PEX6: variants seen among roughly 807,000 people sequenced by gnomAD.
PEX6 encodes peroxisome biogenesis factor 6.
A neutral mutation model predicts 85.6 loss-of-function variants in PEX6; 55 were observed. That is an observed-to-expected ratio of 0.64 (90% CI 0.52 to 0.80). PEX6 has a LOEUF of 0.80. Ranked by LOEUF, PEX6 falls within the 30% of genes least tolerant of loss-of-function variation. PEX6 has a pLI of 0.00. For missense variants in PEX6, 1,099 were observed against 1,260.3 expected (o/e 0.87, Z 1.94); for synonymous variants, 519 against 549.1 (o/e 0.95, Z 0.77).
rs769688980 is a variant in PEX6, at chr6:42,968,258, C to A, written c.1688+32G>T. The A allele has an allele frequency of 3.8e-6, 6 of 1,597,366 alleles. No individual in the cohort carries two copies. The African/African-American group carries it at 5.4e-5, about 14-fold the overall frequency. The stretch of plus-strand genomic sequence containing the variant: ...AGCCACCGCGCCCAGCCGGCCCCCC[C>A]AGCTTTGAGAGGCCCAGCTCTGTAT... On this transcript the variant is annotated intron_variant, in intron 7 of 16. Transcript: ENST00000304611.
In PEX6 at chr6:42,964,363, C is replaced by A. The variant is rs751058292; in HGVS notation, c.2915G>T (p.Arg972Leu). ...GCAGGCAGCAAACTTGCGCTGGATG[C>A]GCTTGTACCGGAGCAGCTCCTGCTC... ...VSEQELLRYKRIQRKFAAC is the reference protein window; with the variant it reads ...VSEQELLRYKLIQRKFAAC The change falls in exon 17 of 17, where the codon CGC becomes CTC. Residue 972 changes from arginine to leucine, a missense_variant. Around this residue, in one of 3 missense-constraint regions of PEX6, gnomAD observed 514 missense variants for 627.0 expected, o/e 0.82. Transcript: ENST00000304611. The surrounding 1 kb of genome is among the most constrained non-coding windows in gnomAD (Gnocchi z 4.6). 1 of 1,613,806 alleles carries A rather than the reference C, an allele frequency of 6.2e-7. No homozygotes were observed. The highest frequency in any genetic ancestry group is 8.5e-7 in the Non-Finnish European group (1 of 1,180,024).
At position 42,974,016 on chromosome 6, in the gene PEX6, C is replaced by T. The variant is rs1298893013; in HGVS notation, c.1117G>A (p.Glu373Lys). The T allele has an allele frequency of 6.2e-7, 1 of 1,613,836 alleles. No homozygotes were observed. The highest frequency in any genetic ancestry group is 1.3e-5 in the African/African-American group (1 of 75,046). ...GCAGCTGCATACCTGGGCAGTTTCT[C>T]TGGACTTCCTTCCAGGATCTCTACT... Reference protein sequence around the residue: ...GQVEILEGSPEKLPRWREMFF... With the variant: ...GQVEILEGSPKKLPRWREMFF... Residue 373 changes from glutamate (E) to lysine (K), a missense_variant, in exon 3 of 17, where the codon GAG (glutamate) becomes AAG (lysine). Physicochemically the swap from Glu to Lys is moderately conservative, Grantham distance 56. Around this residue, in one of 3 missense-constraint regions of PEX6, gnomAD observed 579 missense variants for 611.6 expected, o/e 0.95. Coordinates refer to ENST00000304611, the MANE Select transcript of PEX6 (RefSeq NM_000287.4).
In PEX6 at chr6:42,964,825, G is replaced by C; in HGVS notation, c.2771C>G (p.Ala924Gly). 1 of 1,614,154 alleles carries C rather than the reference G, an allele frequency of 6.2e-7. No individual in the cohort carries two copies. The highest frequency in any genetic ancestry group is 1.1e-5 in the South Asian group (1 of 91,082). Residue 924 changes from alanine (A) to glycine (G), a missense_variant, in exon 16 of 17, where the codon GCT (alanine) becomes GGT (glycine). Ala to Gly is a moderately conservative substitution (Grantham distance 60). Around this residue, in one of 3 missense-constraint regions of PEX6, gnomAD observed 514 missense variants for 627.0 expected, o/e 0.82. Coordinates refer to ENST00000304611, the MANE Select transcript of PEX6 (RefSeq NM_000287.4). The surrounding 1 kb of genome is among the most constrained non-coding windows in gnomAD (Gnocchi z 4.6). ...GTCATGAACCCTGCGTTTGAGGGCA[G>C]CTGTCATAGCATCAGAGCAGAGAGA... is the stretch of plus-strand genomic sequence containing the variant. ...LYSLCSDAMT[A>G]ALKRRVHDLE...
At position 42,978,888 on chromosome 6, in the gene PEX6, G is replaced by A; in HGVS notation, c.263C>T (p.Ser88Phe). Residue 88 changes from serine (S) to phenylalanine (F), a missense_variant, in exon 1 of 17, where the codon TCC becomes TTC. By Grantham distance (155) the Ser-to-Phe change is radical (BLOSUM62 -2). This residue lies in a region of PEX6 where 579 missense variants were observed against 611.6 expected (regional missense o/e 0.95). Transcript: ENST00000304611. The stretch of plus-strand genomic sequence containing the variant: ...CGCCCGCGCCCGCACCCAGGCCCCG[G>A]AGCCCAGTGCCAGGAGCCGCAGCAG... The part of the protein sequence containing the change: ...RALLRLLALG[S>F]GAWVRARAVR... 6.7e-7 allele frequency: 1 copy of A among 1,491,490 alleles called. No homozygotes were observed. Among genetic ancestry groups the A allele is most frequent in the Non-Finnish European group, 8.9e-7 (1 of 1,129,356 alleles). The allele number at this position is 1,491,490 out of a possible 1,614,324, so 92.4% of individuals were successfully genotyped here.
rs368481812 is a variant in PEX6 at position 42,978,408 on chromosome 6, C to A, written c.743G>T (p.Arg248Leu). 4.3e-6 allele frequency: 7 copies of A among 1,614,176 alleles called. No individual in the cohort carries two copies. In the Admixed American group the frequency reaches 8.3e-5, roughly 19 times the overall value. The change falls in exon 1 of 17, where the codon CGC becomes CTC. Residue 248 changes from arginine (R) to leucine (L), a missense_variant. Around this residue, in one of 3 missense-constraint regions of PEX6, gnomAD observed 579 missense variants for 611.6 expected, o/e 0.95. Transcript: ENST00000304611. The stretch of plus-strand genomic sequence containing the variant: ...TCCCAGTCTATCAGAGAGGTCCCAG[C>A]GAGGTTCTAGGACCTGCACCCTAGC... ...HLARVQVLEP[R>L]WDLSDRLGPG...
At position 42,968,290 on chromosome 6, in the gene PEX6, C is replaced by T. The variant is rs768025730; in HGVS notation, c.1688G>A (p.Ser563Asn). 3 of 1,613,584 alleles carry T rather than the reference C, an allele frequency of 1.9e-6. No individual in the cohort carries two copies. Among genetic ancestry groups the T allele is most frequent in the East Asian group, 2.2e-5 (1 of 44,872 alleles). Reference sequence around the variant, plus strand: ...GAGAGGCCCAGCTCTGTATAAGTACCTGTTGAGGGGGTCCTCATTGAGGAG... The same window carrying T: ...GAGAGGCCCAGCTCTGTATAAGTACTTGTTGAGGGGGTCCTCATTGAGGAG... ...HLLLNEDPLN[S>N]CPPLMVVATT... Residue 563 changes from serine (S) to asparagine (N), a missense_variant and splice_region_variant, in exon 7 of 17, where the codon AGC becomes AAC. Coordinates refer to ENST00000304611, the MANE Select transcript of PEX6 (RefSeq NM_000287.4).
At position 42,966,229 on chromosome 6, in the gene PEX6, G is replaced by A; in HGVS notation, c.2300+13C>T. ...CTGATCCACCCACCATCCCTTCCAG[G>A]CCCCCTGGCCACCTGAGGAAGGTAA... is the stretch of plus-strand genomic sequence containing the variant. On this transcript the variant is annotated intron_variant, in intron 11 of 16. Coordinates refer to ENST00000304611, the MANE Select transcript of PEX6 (RefSeq NM_000287.4). 6.2e-7 allele frequency: 1 copy of A among 1,611,424 alleles called. No homozygotes were observed. The highest frequency in any genetic ancestry group is 8.5e-7 in the Non-Finnish European group (1 of 1,179,478).
rs1770051963 is a variant in PEX6 at position 42,971,437 on chromosome 6, C to T, written c.1131-1450G>A. Among the ~76,000 whole-genome samples the T allele has an allele frequency of 6.6e-6, 1 of 152,200 alleles. No individual in the cohort carries two copies. Among genetic ancestry groups the T allele is most frequent in the South Asian group, 2.1e-4 (1 of 4,830 alleles). On this transcript the variant is annotated intron_variant, in intron 3 of 16. Coordinates refer to ENST00000304611, the MANE Select transcript of PEX6 (RefSeq NM_000287.4). The surrounding 1 kb of genome is among the most constrained non-coding windows in gnomAD (Gnocchi z 4.4). ...TGGACCACCTCAGTGAATAGAAAGGCCAGAGCTCTGGAACCTATGTGGACA... is the reference window on the plus strand; with the variant it reads ...TGGACCACCTCAGTGAATAGAAAGGTCAGAGCTCTGGAACCTATGTGGACA...
chr6:42,966,013 T>A, intron 12 of PEX6, 31 bp downstream of exon 12: 1 of 1,610,542 alleles, frequency 6.2e-7, no homozygotes, highest in Non-Finnish European at 8.5e-7. Flanking sequence ...TTGGGAAGCA[T>A]GGGACGCCCT....
At position 42,979,152 on chromosome 6, in the gene PEX6, G is replaced by C. The variant is rs376675730; in HGVS notation, c.-2C>G. On this transcript the variant is annotated 5_prime_UTR_variant, in exon 1 of 17. Transcript: ENST00000304611. ...GACCCGCAAGACAGCCAGCGCCATG[G>C]TGACAGGACACCAACGAGGAGGGTG... The C allele has an allele frequency of 6.7e-5, 106 of 1,577,870 alleles. No homozygotes were observed. The African/African-American group carries it at 1.2e-3, about 17-fold the overall frequency.
rs1249325736 is a variant in PEX6, at chr6:42,964,957, G to A, written c.2667-28C>T. ...GTTGTGGGATACAGGAAGAAACAGA[G>A]TTGGCATCACCTCCTCCCTCGAAAG... On this transcript the variant is annotated intron_variant, in intron 15 of 16. Coordinates refer to ENST00000304611, the MANE Select transcript of PEX6 (RefSeq NM_000287.4). The surrounding 1 kb of genome is among the most constrained non-coding windows in gnomAD (Gnocchi z 4.6). 1 of 1,614,040 alleles carries A rather than the reference G, an allele frequency of 6.2e-7. No individual in the cohort carries two copies. Among genetic ancestry groups the A allele is most frequent in the Non-Finnish European group, 8.5e-7 (1 of 1,180,026 alleles).
chr6:42,967,158 G>A (rs1167423060), intron 8 of PEX6, among the ~76,000 whole-genome samples: 2 of 151,922 alleles, frequency 1.3e-5, no homozygotes, highest in African/African-American at 2.4e-5. Flanking sequence ...TAGTAGAGAC[G>A]GGGTTTCTCC....
rs774265565 is a variant in PEX6 at position 42,967,356 on chromosome 6, C to T, written c.1884+12G>A. 2 of 1,610,588 alleles carry T rather than the reference C, an allele frequency of 1.2e-6. No homozygotes were observed. Among genetic ancestry groups the T allele is most frequent in the Admixed American group, 1.7e-5 (1 of 59,660 alleles). ...CTCCTAGGGAGGGCCAGTACTCTCC[C>T]TTGATACTCACTGCACACCGCCGTG... On this transcript the variant is annotated intron_variant, in intron 8 of 16. Transcript: ENST00000304611.
Position 42,964,471 on chromosome 6 carries a change from C to T in PEX6, c.2807G>A (p.Gly936Glu). ...LKRRVHDLEE[G>E]LEPGSSALML... is the part of the protein sequence containing the mutation. ...CAGTGCTGAGCTACCTGGCTCCAGC[C>T]CTGGAGATGACAAGGTGGGGAGGCT... The change falls in exon 17 of 17, where the codon GGG becomes GAG. Residue 936 changes from glycine to glutamate, a missense_variant and splice_region_variant. Gly to Glu is a moderately conservative substitution (Grantham distance 98). Around this residue, in one of 3 missense-constraint regions of PEX6, gnomAD observed 514 missense variants for 627.0 expected, o/e 0.82. Coordinates refer to ENST00000304611, the MANE Select transcript of PEX6 (RefSeq NM_000287.4). The surrounding 1 kb of genome is among the most constrained non-coding windows in gnomAD (Gnocchi z 4.6). 1.2e-6 allele frequency: 2 copies of T among 1,613,220 alleles called. No homozygotes were observed. Among genetic ancestry groups the T allele is most frequent in the Non-Finnish European group, 1.7e-6 (2 of 1,179,982 alleles).
chr6:42,976,022 G>A (rs1224625695), intron 1 of PEX6, among the ~76,000 whole-genome samples: 3 of 152,004 alleles, frequency 2.0e-5, no homozygotes, highest in African/African-American at 7.2e-5. Flanking sequence ...CAGAGTAGCT[G>A]GGACGACAGG....
rs267608231 is a variant in PEX6 at position 42,966,571 on chromosome 6, A to G, written c.2048T>C (p.Leu683Pro). ...GGAGTGAGCTGTCTGCAGTTGCTCC[A>G]GTGCCTGCCCAAAGTCCTCAGCCAG... ...PLLAEDFGQA[L>P]EQLQTAHSQA... is the part of the protein sequence containing the mutation. Residue 683 changes from leucine (L) to proline (P), a missense_variant, in exon 10 of 17, where the codon CTG becomes CCG. Physicochemically the swap from Leu to Pro is moderately conservative, Grantham distance 98. This residue lies in a region of PEX6 where 514 missense variants were observed against 627.0 expected (regional missense o/e 0.82). Coordinates refer to ENST00000304611, the MANE Select transcript of PEX6 (RefSeq NM_000287.4). 6.2e-7 allele frequency: 1 copy of G among 1,614,194 alleles called. No homozygotes were observed. The highest frequency in any genetic ancestry group is 8.5e-7 in the Non-Finnish European group (1 of 1,180,040).
intron 1 of PEX6, 108 bp from the exon 2 acceptor site, chr6:42,975,146 A>C: frequency 8.1e-6 from 8 of 990,842 alleles, no homozygotes; most frequent in Non-Finnish European, 1.3e-5. Context: ...TCCCATAACC[A>C]CAAGGCTTGT....
chr6:42,977,121 G>A (rs971706751), intron 1 of PEX6, among the ~76,000 whole-genome samples: 7 of 152,022 alleles, frequency 4.6e-5, no homozygotes, highest in Non-Finnish European at 5.9e-5. Context: ...ACAATTTGAA[G>A]TCAAGGATAA....
At position 42,978,723 on chromosome 6, in the gene PEX6, G is replaced by T. The variant is rs1561830844; in HGVS notation, c.428C>A (p.Pro143Gln). The change falls in exon 1 of 17, where the codon CCG (proline) becomes CAG (glutamine). Residue 143 changes from proline (P) to glutamine (Q), a missense_variant. Physicochemically the swap from Pro to Gln is moderately conservative, Grantham distance 76. Coordinates refer to ENST00000304611, the MANE Select transcript of PEX6 (RefSeq NM_000287.4). ...TGGGCCCAGCAGCCCTTGCAACGCC[G>T]GCCGCGTCTCCAGCACCCGCGGTCC... ...VPGPRVLETR[P>Q]ALQGLLGPGT... The T allele has an allele frequency of 6.5e-7, 1 of 1,539,906 alleles. No individual in the cohort carries two copies. Among genetic ancestry groups the T allele is most frequent in the Non-Finnish European group, 8.7e-7 (1 of 1,149,026 alleles).
Sources: gnomAD v4.1 joint callset for allele counts (sites outside exome capture counted in the v4.1 genomes callset) on GRCh38, gnomAD v4.1.1 for gene constraint, gnomAD v4.1.1 regional missense constraint, Gnocchi (gnomAD v3.1) non-coding constraint, MANE v1.5 for transcripts, NCBI Gene and HGNC (gene_info 2026-07-23, HGNC 2026-07-21) for gene names.